The following ZC3H18 variants were observed in gnomAD, a reference collection of about 807,000 sequenced individuals.
ZC3H18 encodes zinc finger CCCH-type containing 18, also known as zinc finger CCCH domain-containing protein 18.
In ZC3H18, 8 loss-of-function variants were observed where a neutral mutation model predicts 106.1. The observed-to-expected ratio is 0.08, with a 90% CI of 0.04 to 0.14. The LOEUF (loss-of-function observed/expected upper bound fraction) is 0.14. ZC3H18 is among the 10% of genes least tolerant of loss of function. The pLI, the probability that ZC3H18 is intolerant of heterozygous loss-of-function variation, is 1.00. For synonymous variants in ZC3H18, 635 were observed against 522.1 expected (o/e 1.22, Z -2.95); for missense variants, 1,318 against 1,278.4 (o/e 1.03, Z -0.47).
In ZC3H18 at chr16:88,586,585, T is replaced by C; in HGVS notation, c.604-15T>C. 1 of 1,612,076 alleles carries C rather than the reference T, an allele frequency of 6.2e-7. No homozygotes were observed. The highest frequency in any genetic ancestry group is 1.7e-5 in the Admixed American group (1 of 60,018). On this transcript the variant is annotated splice_polypyrimidine_tract_variant and intron_variant, in intron 2 of 17. Transcript: ENST00000301011. ...AGATGCCTCCCCCACGCTAAGACGGTGTTCTCTGTTTCAGGATGATGACCT... is the reference window on the plus strand; with the variant it reads ...AGATGCCTCCCCCACGCTAAGACGGCGTTCTCTGTTTCAGGATGATGACCT...
chr16:88,628,169 C>G (rs1206613570), intron 15 of ZC3H18, 50 bp downstream of exon 15: 3 of 1,588,038 alleles, frequency 1.9e-6, no homozygotes, highest in African/African-American at 1.4e-5. Context: ...AGGCCTGGGT[C>G]CATCTGCTTC....
chr16:88,629,861 G>A (rs1010574640), intron 16 of ZC3H18, among the ~76,000 whole-genome samples: 2 of 152,226 alleles, frequency 1.3e-5, no homozygotes, highest in African/African-American at 4.8e-5. Context: ...AACAGGCAGG[G>A]GGCTTCCAGA....
chr16:88,626,093 G>A (rs1162931404), intron 13 of ZC3H18: 1 of 151,980 alleles, frequency 6.6e-6, no homozygotes, highest in African/African-American at 2.4e-5. Context: ...AAAGTGCTGG[G>A]ATTACATGCG....
chr16:88,623,743 C>A, intron 10 of ZC3H18: 2 of 841,860 alleles, frequency 2.4e-6, no homozygotes, highest in Non-Finnish European at 3.5e-6. Flanking sequence ...TCCCGGAGGA[C>A]CCGCCAGTGG....
Position 88,627,791 on chromosome 16 carries a change from G to A in ZC3H18, c.2269+9G>A. On this transcript the variant is annotated intron_variant, in intron 14 of 17. Transcript: ENST00000301011. The surrounding 1 kb of genome is among the most constrained non-coding windows in gnomAD (Gnocchi z 4.5). ...GACCAGGAAGGAGAAAGGTACTCAG[G>A]AGCCCTGGTACCTTTGGGGAGCAGC... 6.2e-7 allele frequency: 1 copy of A among 1,610,246 alleles called. No individual in the cohort carries two copies. Among genetic ancestry groups the A allele is most frequent in the Non-Finnish European group, 8.5e-7 (1 of 1,177,310 alleles).
chr16:88,597,603 T>G (rs940997466), intron 3 of ZC3H18, among the ~76,000 whole-genome samples: 9 of 152,328 alleles, frequency 5.9e-5, no homozygotes, highest in African/African-American at 1.7e-4. Context: ...CTGTTGAAGA[T>G]GAAGGTTTGT....
chr16:88,583,263 AAAG>A (rs1170977059), intron 2 of ZC3H18, among the ~76,000 whole-genome samples: 4 of 152,274 alleles, frequency 2.6e-5, no homozygotes, highest in African/African-American at 7.2e-5. Flanking sequence ...AAGGCTGCAC[AAAG>A]AAGAAAGCGA....
chr16:88,586,956 G>A (rs548586130), intron 3 of ZC3H18, among the ~76,000 whole-genome samples: 46 of 152,302 alleles, frequency 3.0e-4, no homozygotes, highest in African/African-American at 7.5e-4. Context: ...AGGCCCTTCC[G>A]ATCGCAGCAG....
intron 11 of ZC3H18, 96 bp downstream of exon 11, chr16:88,624,158 C>A: frequency 1.3e-6 from 2 of 1,521,760 alleles, no homozygotes; most frequent in Non-Finnish European, 1.8e-6. Flanking sequence ...TGTTTGGGAC[C>A]AAAGAGGTGA....
At chr16:88,571,616 G>T (rs553938622) in intron 1 of ZC3H18, 23 of 985,434 alleles carry the variant, frequency 2.3e-5, no homozygotes, top group Non-Finnish European at 2.8e-5. Context: ...CGTTGTAGGT[G>T]GGACATGCTG....
intron 6 of ZC3H18, among the ~76,000 whole-genome samples, chr16:88,603,416 T>G (rs1466421906): frequency 6.6e-6 from 1 of 150,814 alleles, no homozygotes; most frequent in Non-Finnish European, 1.5e-5. Context: ...AGCTCAAGAG[T>G]TTGAGACCAG....
intron 16 of ZC3H18, 149 bp from the exon 17 acceptor site, chr16:88,630,336 C>T (rs1302340877): frequency 4.9e-6 from 3 of 612,082 alleles, no homozygotes; most frequent in Non-Finnish European, 8.5e-6. Flanking sequence ...TCCTACTTGG[C>T]TCTCCCCTTT....
chr16:88,598,411 C>G (rs1904563160), intron 4 of ZC3H18, 85 bp downstream of exon 4: 1 of 1,528,174 alleles, frequency 6.5e-7, no homozygotes, highest in African/African-American at 1.4e-5. Context: ...GTCACTGTGC[C>G]TTAGCACAGG....
intron 4 of ZC3H18, 68 bp downstream of exon 4, chr16:88,598,394 AAGAC>A: frequency 6.5e-7 from 1 of 1,543,692 alleles, no homozygotes; most frequent in Non-Finnish European, 8.7e-7. Flanking sequence ...TCTCAAGCTT[AAGAC>A]AAGTCACTGT....
intron 6 of ZC3H18, among the ~76,000 whole-genome samples, chr16:88,605,079 A>G (rs1332463291): frequency 1.3e-5 from 2 of 152,254 alleles, no homozygotes; most frequent in Non-Finnish European, 2.9e-5. Flanking sequence ...CTCAGGTAAC[A>G]GGTCTACCAG....
rs535991125 is a variant in ZC3H18, at chr16:88,588,334, A to C, written c.688+1650A>C. Among the ~76,000 whole-genome samples, 540 of 152,328 alleles carry C rather than the reference A, an allele frequency of 3.5e-3. 3 individuals carry two copies. Among genetic ancestry groups the C allele is most frequent in the Middle Eastern group, 0.01 (3 of 294 alleles). On this transcript the variant is annotated intron_variant, in intron 3 of 17. Transcript: ENST00000301011. ...TCTCTGGGTGGCAGTGTGACTGGGA[A>C]GCTTGACCGGCCAGTCGGCGTTGGC...
chr16:88,622,473 A>T, intron 9 of ZC3H18, 85 bp downstream of exon 9: 1 of 1,422,384 alleles, frequency 7.0e-7, no homozygotes, highest in Non-Finnish European at 9.4e-7. Context: ...TCAGGTGGGG[A>T]ACACCCCAGC....
At chr16:88,586,300 T>C (rs189061194) in intron 2 of ZC3H18, among the ~76,000 whole-genome samples, 1 of 152,366 alleles carries the variant, frequency 6.6e-6, no homozygotes, top group African/African-American at 2.4e-5. Flanking sequence ...GAAGTGTTAC[T>C]ATTTCCTGCC....
intron 9 of ZC3H18, chr16:88,622,614 G>A: frequency 1.9e-6 from 1 of 537,594 alleles, no homozygotes; most frequent in Non-Finnish European, 3.2e-6. Flanking sequence ...ACAGACCCCG[G>A]CGACTGAGCC....
Sources: gnomAD v4.1 joint callset for allele counts (sites outside exome capture counted in the v4.1 genomes callset) on GRCh38, gnomAD v4.1.1 for gene constraint, Gnocchi (gnomAD v3.1) non-coding constraint, MANE v1.5 for transcripts, NCBI Gene and HGNC (gene_info 2026-07-23, HGNC 2026-07-21) for gene names.